Variants in NEBL observed in about 807,000 individuals in gnomAD.
The protein encoded by NEBL is LIM and SH3 protein 2.
In NEBL, 122 loss-of-function variants were observed where a neutral mutation model predicts 140.2. That is an observed-to-expected ratio of 0.87 (90% CI 0.75 to 1.01). The LOEUF (loss-of-function observed/expected upper bound fraction) is 1.01, where lower values mean the gene tolerates loss of function less well. NEBL is among the 50% of genes least tolerant of loss of function. The pLI is 0.00. For missense variants in NEBL, 1,365 were observed against 1,231.3 expected (o/e 1.11, Z -1.62); for synonymous variants, 436 against 398.9 (o/e 1.09, Z -1.11).
rs189624822 is a variant in NEBL, at chr10:20,857,636, A to G, written c.903+604T>C. Among the ~76,000 whole-genome samples, 591 of 152,292 alleles carry G rather than the reference A, an allele frequency of 3.9e-3. 6 individuals are homozygous for G. Among genetic ancestry groups the G allele is most frequent in the African/African-American group, 0.014 (570 of 41,568 alleles). On this transcript the variant is annotated intron_variant, in intron 9 of 27. Transcript: ENST00000377122. ...GTCCTGATGTGCTATGGGTTGAAAC[A>G]GCATTCAGCGTAGTGAGAGTCCTGC...
chr10:21,095,476 C>T (rs1027301080), intron 2 of NEBL, among the ~76,000 whole-genome samples: 3 of 152,108 alleles, frequency 2.0e-5, no homozygotes, highest in South Asian at 2.1e-4. Flanking sequence ...GGGTGTTAAA[C>T]GGTGCTATTA....
chr10:21,033,783 A>G (rs1396419487), intron 2 of NEBL, among the ~76,000 whole-genome samples: 3 of 151,632 alleles, frequency 2.0e-5, no homozygotes, highest in Admixed American at 2.0e-4. Context: ...AAATTGTATG[A>G]TAAAATATCA....
At chr10:21,091,235 A>G (rs916031812) in intron 2 of NEBL, among the ~76,000 whole-genome samples, 1 of 152,222 alleles carries the variant, frequency 6.6e-6, no homozygotes, top group South Asian at 2.1e-4. Flanking sequence ...TACACATGCA[A>G]TTCCATTGTT....
At position 20,780,690 on chromosome 10, in the gene NEBL, T is replaced by C. The variant is rs528628389; in HGVS notation, c.*5057A>G. On this transcript the variant is annotated 3_prime_UTR_variant, in exon 28 of 28. Coordinates refer to ENST00000377122, the MANE Select transcript of NEBL (RefSeq NM_006393.3). ...AAACCAAATGTGTAGAGATAGGAAA[T>C]TAATGTGTTATAATGTTTTACAAAT... is the stretch of plus-strand genomic sequence containing the variant. 71 of 152,266 alleles carry C rather than the reference T, an allele frequency of 4.7e-4. No individual in the cohort carries two copies. Among genetic ancestry groups the C allele is most frequent in the African/African-American group, 1.7e-3 (69 of 41,554 alleles). 9.4% of individuals were successfully genotyped at this position (152,266 alleles called of 1,614,324 possible).
At chr10:20,934,807 A>T (rs1424208223) in intron 4 of NEBL, among the ~76,000 whole-genome samples, 3 of 152,236 alleles carry the variant, frequency 2.0e-5, no homozygotes, top group Non-Finnish European at 4.4e-5. Context: ...TGACTCATAC[A>T]AGGTGCAACC....
At chr10:21,095,005 G>A (rs1274751981) in intron 2 of NEBL, among the ~76,000 whole-genome samples, 2 of 152,158 alleles carry the variant, frequency 1.3e-5, no homozygotes, top group East Asian at 3.9e-4. Flanking sequence ...CCATAGTAGT[G>A]TATTCAAAAT....
intron 2 of NEBL, among the ~76,000 whole-genome samples, chr10:21,081,868 T>G (rs1564504522): frequency 6.6e-6 from 1 of 152,170 alleles, no homozygotes; most frequent in Non-Finnish European, 1.5e-5. Flanking sequence ...TAAATCATGA[T>G]AGTGATGGAT....
At chr10:21,206,858 T>G (rs1464718685) in intron 3 of NEBL, among the ~76,000 whole-genome samples, 3 of 152,038 alleles carry the variant, frequency 2.0e-5, no homozygotes, top group African/African-American at 7.2e-5. Flanking sequence ...TCACTGGAAT[T>G]CAGGACCAGA....
intron 2 of NEBL, chr10:21,126,292 A>G: frequency 3.1e-6 from 2 of 646,972 alleles, no homozygotes; most frequent in Non-Finnish European, 5.3e-6. Context: ...AGCCTTAAGT[A>G]TAGAAATGTT....
At chr10:21,043,363 G>C (rs1021496858) in intron 2 of NEBL, among the ~76,000 whole-genome samples, 26 of 152,162 alleles carry the variant, frequency 1.7e-4, no homozygotes, top group Non-Finnish European at 1.5e-5. Context: ...TTGAAAGCCT[G>C]CAATCTTACA....
chr10:21,095,577 G>A (rs1837148482), intron 2 of NEBL, among the ~76,000 whole-genome samples: 1 of 152,166 alleles, frequency 6.6e-6, no homozygotes, highest in Non-Finnish European at 1.5e-5. Context: ...TATTTAGGAT[G>A]TGATTTTAAT....
intron 2 of NEBL, among the ~76,000 whole-genome samples, chr10:21,055,789 A>C (rs1340651293): frequency 6.6e-6 from 1 of 152,228 alleles, no homozygotes; most frequent in Non-Finnish European, 1.5e-5. Context: ...CCAAATTAGC[A>C]TCAAGTGTAG....
At chr10:20,803,954 A>G (rs1327671145) in intron 26 of NEBL, among the ~76,000 whole-genome samples, 1 of 151,232 alleles carries the variant, frequency 6.6e-6, no homozygotes, top group East Asian at 1.9e-4. Flanking sequence ...GCCTTCCCCA[A>G]GAGAATTTTA....
chr10:21,238,743 A>G (rs1680205236), intron 3 of NEBL, among the ~76,000 whole-genome samples: 4 of 138,942 alleles, frequency 2.9e-5, no homozygotes, highest in African/African-American at 2.7e-5. Context: ...AAAAAAAAAG[A>G]GAAGGTTGAG....
intron 4 of NEBL, among the ~76,000 whole-genome samples, chr10:20,950,849 A>T (rs987105722): frequency 1.3e-5 from 2 of 152,234 alleles, no homozygotes; most frequent in Non-Finnish European, 2.9e-5. Flanking sequence ...ATGGTTTTTA[A>T]GGTTTTTTCC....
chr10:20,851,619 CA>C (rs1342689533), intron 10 of NEBL, among the ~76,000 whole-genome samples: 1,426 of 114,372 alleles, frequency 0.012, 5 homozygotes, highest in Middle Eastern at 0.018. Context: ...ACTAAAAATA[CA>C]AAAAAAAAAA....
At chr10:20,843,342 T>C (rs1351560889) in intron 12 of NEBL, among the ~76,000 whole-genome samples, 1 of 152,002 alleles carries the variant, frequency 6.6e-6, no homozygotes, top group Non-Finnish European at 1.5e-5. Context: ...TGGTATTTTG[T>C]TATAGCAGCC....
chr10:20,836,211 T>C (rs913113743), intron 13 of NEBL, among the ~76,000 whole-genome samples: 6 of 152,048 alleles, frequency 3.9e-5, no homozygotes, highest in African/African-American at 9.7e-5. Flanking sequence ...CAAACTGTTA[T>C]GGTGCTTTGT....
chr10:21,113,290 TA>T (rs56366013), intron 2 of NEBL: 9,537 of 123,168 alleles, frequency 0.077, no homozygotes, highest in Middle Eastern at 0.13. Context: ...ATGAGAATCC[TA>T]AAAAAAAAAA....
Sources: gnomAD v4.1 joint callset for allele counts (sites outside exome capture counted in the v4.1 genomes callset) on GRCh38, gnomAD v4.1.1 for gene constraint, MANE v1.5 for transcripts, NCBI Gene and HGNC (gene_info 2026-07-23, HGNC 2026-07-21) for gene names.